Variants in ACAP2 observed in about 807,000 individuals in gnomAD.
ACAP2 encodes ArfGAP with coiled-coil, ankyrin repeat and PH domains 2.
ACAP2 carries 39 observed loss-of-function variants against 115.8 expected under a neutral mutation model. The observed-to-expected ratio is 0.34, with a 90% CI of 0.26 to 0.44. The LOEUF (loss-of-function observed/expected upper bound fraction) is 0.44, where lower values mean the gene tolerates loss of function less well. Ranked by LOEUF, ACAP2 falls within the 20% of genes least tolerant of loss-of-function variation. ACAP2 has a pLI of 1.00. For missense variants in ACAP2, 662 were observed against 927.6 expected (o/e 0.71, Z 3.72); for synonymous variants, 289 against 315.8 (o/e 0.92, Z 0.90).
At chr3:195,413,468 G>C (rs543781794) in intron 1 of ACAP2, among the ~76,000 whole-genome samples, 1 of 152,178 alleles carries the variant, frequency 6.6e-6, no homozygotes, top group East Asian at 1.9e-4. Context: ...GCAAAAGGGG[G>C]CCGGACACGA....
intron 15 of ACAP2, among the ~76,000 whole-genome samples, chr3:195,299,415 C>CAA (rs66689467): frequency 3.7e-5 from 5 of 133,752 alleles, no homozygotes; most frequent in African/African-American, 1.2e-4. Flanking sequence ...ACAAAAAATA[C>CAA]AAAAAAAAAA....
intron 4 of ACAP2, among the ~76,000 whole-genome samples, chr3:195,352,822 C>A (rs1038228022): frequency 1.3e-5 from 2 of 152,106 alleles, no homozygotes; most frequent in Non-Finnish European, 2.9e-5. Flanking sequence ...CAGCCAGATG[C>A]AGTGTCTCAG....
In ACAP2 at chr3:195,275,690, T is replaced by G. The variant is rs1184655548; in HGVS notation, c.*3638A>C. The G allele has an allele frequency of 6.6e-6, 1 of 152,226 alleles. No homozygotes were observed. Among genetic ancestry groups the G allele is most frequent in the Non-Finnish European group, 1.5e-5 (1 of 68,032 alleles). 9.4% of individuals were successfully genotyped at this position (152,226 alleles called of 1,614,324 possible). On this transcript the variant is annotated 3_prime_UTR_variant, in exon 23 of 23. Coordinates refer to ENST00000326793, the MANE Select transcript of ACAP2 (RefSeq NM_012287.6). ...GCTAGCAAATCAAGTGACCCTGCTCTGTAAAACAAAAGGAGCACCCTAGGA... is the reference window on the plus strand; with the variant it reads ...GCTAGCAAATCAAGTGACCCTGCTCGGTAAAACAAAAGGAGCACCCTAGGA...
In ACAP2 at chr3:195,409,104, GA is replaced by G. The variant is rs61212970; in HGVS notation, c.54-16958del. Among the ~76,000 whole-genome samples, 334 of 125,106 alleles carry G rather than the reference GA, an allele frequency of 2.7e-3. 3 individuals are homozygous for G. The highest frequency in any genetic ancestry group is 6.4e-3 in the African/African-American group (220 of 34,502). The allele number at this position is 125,106 out of a possible 152,430, so 82.1% of individuals were successfully genotyped here. A position where few individuals can be genotyped will look rare whatever the true frequency, so the allele number is the denominator to read the frequency against. On this transcript the variant is annotated intron_variant, in intron 1 of 22. Coordinates refer to ENST00000326793, the MANE Select transcript of ACAP2 (RefSeq NM_012287.6). ...AGTCAGAGTCGCTAGGCAAGAAAAA[GA>G]AAAAAAAAAAAGGAATCAAATTGAA...
In ACAP2 at chr3:195,279,162, A is replaced by G. The variant is rs72607898; in HGVS notation, c.*166T>C. ...TAAACTAGGTTCCTCTCCTACTACTAGATAACTATGTTTTAATTTATAAAT... is the reference window on the plus strand; with the variant it reads ...TAAACTAGGTTCCTCTCCTACTACTGGATAACTATGTTTTAATTTATAAAT... On this transcript the variant is annotated 3_prime_UTR_variant, in exon 23 of 23. Transcript: ENST00000326793. 13,307 of 509,982 alleles carry G rather than the reference A, an allele frequency of 0.026. 462 individuals are homozygous for G. The highest frequency in any genetic ancestry group is 0.097 in the South Asian group (3,085 of 31,928). The allele number at this position is 509,982 out of a possible 1,614,324, so 31.6% of individuals were successfully genotyped here.
intron 8 of ACAP2, among the ~76,000 whole-genome samples, chr3:195,329,765 A>C (rs1436454445): frequency 6.6e-6 from 1 of 152,158 alleles, no homozygotes; most frequent in Non-Finnish European, 1.5e-5. Flanking sequence ...CTAATAATGG[A>C]AGCTGATAAC....
chr3:195,370,607 G>A (rs1461137083), intron 4 of ACAP2, among the ~76,000 whole-genome samples: 4 of 152,110 alleles, frequency 2.6e-5, no homozygotes, highest in South Asian at 2.1e-4. Context: ...GTCTGTGTCT[G>A]TTTCTGCTCC....
At chr3:195,347,118 A>C (rs539211451) in intron 4 of ACAP2, among the ~76,000 whole-genome samples, 22 of 152,332 alleles carry the variant, frequency 1.4e-4, no homozygotes, top group African/African-American at 4.6e-4. Flanking sequence ...TGTTATATTT[A>C]AATTTAAAAA....
chr3:195,368,427 G>A (rs891397017), intron 4 of ACAP2, among the ~76,000 whole-genome samples: 7 of 152,172 alleles, frequency 4.6e-5, no homozygotes, highest in Non-Finnish European at 1.0e-4. Context: ...TGGGATGACA[G>A]GCGTTATCCC....
intron 22 of ACAP2, chr3:195,285,553 G>C (rs1180323890): frequency 2.5e-6 from 1 of 404,886 alleles, no homozygotes; most frequent in African/African-American, 2.1e-5. Flanking sequence ...GTGAAATAGA[G>C]CAAGTCAATG....
chr3:195,324,964 G>A (rs1304960270), intron 9 of ACAP2, among the ~76,000 whole-genome samples: 2 of 151,988 alleles, frequency 1.3e-5, no homozygotes, highest in East Asian at 1.9e-4. Context: ...GGAAAAATGA[G>A]AGAAAGATTA....
chr3:195,408,231 G>A (rs1230519100), intron 1 of ACAP2, among the ~76,000 whole-genome samples: 1 of 152,164 alleles, frequency 6.6e-6, no homozygotes, highest in Non-Finnish European at 1.5e-5. Flanking sequence ...GGAGCCCAAG[G>A]CAGGCGGTCT....
intron 4 of ACAP2, among the ~76,000 whole-genome samples, chr3:195,370,421 C>T (rs559914852): frequency 6.6e-6 from 1 of 152,116 alleles, no homozygotes; most frequent in East Asian, 1.9e-4. Context: ...TTTTTGTATA[C>T]AGTATAAGGA....
intron 4 of ACAP2, among the ~76,000 whole-genome samples, chr3:195,360,891 G>C (rs1315321445): frequency 1.3e-5 from 2 of 151,388 alleles, no homozygotes; most frequent in Non-Finnish European, 1.5e-5. Flanking sequence ...ATTTCATTGA[G>C]GGGGTGTAGA....
chr3:195,321,232 T>C (rs2109029994), intron 9 of ACAP2, among the ~76,000 whole-genome samples: 1 of 146,120 alleles, frequency 6.8e-6, no homozygotes, highest in East Asian at 2.0e-4. Flanking sequence ...TTTTTTTTTT[T>C]TTTTTTTTGA....
At chr3:195,309,304 G>A (rs982249565) in intron 10 of ACAP2, among the ~76,000 whole-genome samples, 11 of 152,110 alleles carry the variant, frequency 7.2e-5, no homozygotes, top group Non-Finnish European at 1.2e-4. Context: ...CACTTCGGGA[G>A]GCCAAAGTGA....
chr3:195,331,438 G>A (rs556216891), intron 8 of ACAP2, among the ~76,000 whole-genome samples: 13 of 150,880 alleles, frequency 8.6e-5, no homozygotes, highest in Admixed American at 4.6e-4. Flanking sequence ...TCAGCCTCCC[G>A]AGTAGCTGGG....
At chr3:195,389,739 A>G (rs1264448323) in intron 2 of ACAP2, among the ~76,000 whole-genome samples, 1 of 152,240 alleles carries the variant, frequency 6.6e-6, no homozygotes, top group Non-Finnish European at 1.5e-5. Flanking sequence ...TAGAAAACGA[A>G]GGCATTTTCA....
intron 4 of ACAP2, among the ~76,000 whole-genome samples, chr3:195,377,474 A>G (rs921795262): frequency 6.6e-6 from 1 of 152,134 alleles, no homozygotes; most frequent in African/African-American, 2.4e-5. Context: ...TGTCAGAGAA[A>G]TTAAATGACT....
Sources: allele counts gnomAD v4.1 joint callset (sites outside exome capture counted in the v4.1 genomes callset), GRCh38; gene constraint gnomAD v4.1.1; transcripts MANE v1.5; gene names NCBI Gene and HGNC (gene_info 2026-07-23, HGNC 2026-07-21).